RIOX2: variants seen among roughly 807,000 people sequenced by gnomAD.
The protein encoded by RIOX2 is ribosomal oxygenase 2.
In RIOX2, 43 loss-of-function variants were observed where a neutral mutation model predicts 51.2. The observed-to-expected ratio is 0.84, with a 90% CI of 0.66 to 1.08. The LOEUF is 1.08. RIOX2 is among the 50% of genes least tolerant of loss of function. RIOX2 has a pLI of 0.00. For synonymous variants in RIOX2, 226 were observed against 218.5 expected, an observed-to-expected ratio of 1.03 and a Z score of -0.30; for missense variants, 566 against 561.7, an observed-to-expected ratio of 1.01 and a Z score of -0.08.
At chr3:97,967,863 G>A (rs1705954076) in intron 1 of RIOX2, among the ~76,000 whole-genome samples, 2 of 152,082 alleles carry the variant, frequency 1.3e-5, no homozygotes, top group Non-Finnish European at 2.9e-5. Flanking sequence ...AAAGAAGAAC[G>A]TGTTTTTCTT....
chr3:97,960,578 G>C (rs1705640042), intron 3 of RIOX2, among the ~76,000 whole-genome samples: 1 of 152,098 alleles, frequency 6.6e-6, no homozygotes, highest in South Asian at 2.1e-4. Context: ...CTGCACAAGG[G>C]TCAAGTTTCC....
rs547143025 is a variant in RIOX2, at chr3:97,968,209, G to T, written c.-39-577C>A. Reference sequence around the variant, plus strand: ...CTGGAGCAGGCCACTGCCTTCTCCTGTCTCCACTAACCACCTGAACCTGCT... The same window carrying T: ...CTGGAGCAGGCCACTGCCTTCTCCTTTCTCCACTAACCACCTGAACCTGCT... On this transcript the variant is annotated intron_variant, in intron 1 of 9. Coordinates refer to ENST00000394198, the MANE Select transcript of RIOX2 (RefSeq NM_153182.4). Among the ~76,000 whole-genome samples the T allele has an allele frequency of 7.2e-5, 11 of 152,206 alleles. No individual in the cohort carries two copies. The South Asian group carries it at 2.3e-3, about 32-fold the overall frequency.
rs957627317 is a variant in RIOX2, at chr3:97,945,711, C to T, written c.1239+87G>A. On this transcript the variant is annotated intron_variant, in intron 9 of 9. Coordinates refer to ENST00000394198, the MANE Select transcript of RIOX2 (RefSeq NM_153182.4). ...AAGTCCACAGTGCAGCCATAAAAAG[C>T]ATATTACCTGTAAATCAAAAATAAT... 9 of 1,031,926 alleles carry T rather than the reference C, an allele frequency of 8.7e-6. No homozygotes were observed. The African/African-American group carries it at 1.1e-4, about 13-fold the overall frequency. 63.9% of individuals were successfully genotyped at this position (1,031,926 alleles called of 1,614,324 possible).
rs2040282022 is a variant in RIOX2 at position 97,943,560 on chromosome 3, C to T, written c.*1624G>A. 1 of 430,480 alleles carries T rather than the reference C, an allele frequency of 2.3e-6. No homozygotes were observed. Among genetic ancestry groups the T allele is most frequent in the Admixed American group, 4.7e-5 (1 of 21,260 alleles). 26.7% of individuals were successfully genotyped at this position (430,480 alleles called of 1,614,324 possible). ...ATCTTGGAAAGGTTCTATTCCTGATCTCCAGCTGTGGTGAGCAAGTTTCCT... is the reference window on the plus strand; with the variant it reads ...ATCTTGGAAAGGTTCTATTCCTGATTTCCAGCTGTGGTGAGCAAGTTTCCT... On this transcript the variant is annotated 3_prime_UTR_variant, in exon 10 of 10. Transcript: ENST00000394198.
At chr3:97,970,852 T>A (rs1329326942) in intron 1 of RIOX2, among the ~76,000 whole-genome samples, 1 of 152,194 alleles carries the variant, frequency 6.6e-6, no homozygotes, top group African/African-American at 2.4e-5. Context: ...TCACTATATT[T>A]TAAAGGTACC....
chr3:97,947,607 T>C (rs1335494581), intron 7 of RIOX2, among the ~76,000 whole-genome samples, 158 bp from the exon 8 acceptor site: 2 of 152,214 alleles, frequency 1.3e-5, no homozygotes, highest in Non-Finnish European at 2.9e-5. Context: ...TACCCCAACA[T>C]TGTACTGATA....
At chr3:97,953,894 G>A (rs2107155437) in intron 5 of RIOX2, 1 of 154,000 alleles carries the variant, frequency 6.5e-6, no homozygotes, top group Admixed American at 6.4e-5. Flanking sequence ...AACCCTCAAA[G>A]AGACCAAGAG....
intron 3 of RIOX2, among the ~76,000 whole-genome samples, 168 bp from the exon 4 acceptor site, chr3:97,959,347 C>T (rs1275335125): frequency 5.6e-5 from 7 of 125,770 alleles, no homozygotes; most frequent in African/African-American, 2.1e-4. Flanking sequence ...TATAGACAGT[C>T]TCATTCTCCT....
rs557212994 is a variant in RIOX2 at position 97,948,751 on chromosome 3, A to G, written c.1060+1093T>C. Reference sequence around the variant, plus strand: ...TGAACCCTCTCCAAAATCACCTAACATACACCTGAGTCCTATAAGTCTTTT... The same window carrying G: ...TGAACCCTCTCCAAAATCACCTAACGTACACCTGAGTCCTATAAGTCTTTT... On this transcript the variant is annotated intron_variant, in intron 7 of 9. Coordinates refer to ENST00000394198, the MANE Select transcript of RIOX2 (RefSeq NM_153182.4). Among the ~76,000 whole-genome samples the G allele has an allele frequency of 2.6e-5, 4 of 152,180 alleles. No homozygotes were observed. The South Asian group carries it at 6.2e-4, about 24-fold the overall frequency.
chr3:97,958,934 A>T, intron 4 of RIOX2, 117 bp downstream of exon 4: 2 of 1,168,104 alleles, frequency 1.7e-6, no homozygotes, highest in Admixed American at 2.7e-5. Context: ...AAACCCAGGG[A>T]TATATTCCCA....
At chr3:97,954,207 G>A (rs1705369825) in intron 5 of RIOX2, 185 bp downstream of exon 5, 2 of 560,204 alleles carry the variant, frequency 3.6e-6, no homozygotes, top group East Asian at 3.0e-5. Flanking sequence ...GTCCCCAGAA[G>A]CAAGTCCAGA....
chr3:97,966,884 T>G (rs1705909408), intron 2 of RIOX2, among the ~76,000 whole-genome samples: 2 of 152,270 alleles, frequency 1.3e-5, no homozygotes, highest in African/African-American at 4.8e-5. Context: ...GTAGTGCCAC[T>G]TTAACAACTT....
intron 5 of RIOX2, 126 bp from the exon 6 acceptor site, chr3:97,951,014 T>G: frequency 1.5e-6 from 1 of 661,554 alleles, no homozygotes; most frequent in South Asian, 1.8e-5. Flanking sequence ...GTCCAGGCAT[T>G]TTGAGTTCCA....
chr3:97,951,668 G>C (rs998922576), intron 5 of RIOX2, among the ~76,000 whole-genome samples: 6 of 152,130 alleles, frequency 3.9e-5, no homozygotes, highest in African/African-American at 1.2e-4. Flanking sequence ...CCGGCTAGTA[G>C]AAAATGGAAA....
In RIOX2 at chr3:97,967,245, C is replaced by T. The variant is rs1192411586; in HGVS notation, c.349G>A (p.Gly117Ser). The T allele has an allele frequency of 2.5e-6, 4 of 1,614,164 alleles. No homozygotes were observed. The highest frequency in any genetic ancestry group is 3.4e-6 in the Non-Finnish European group (4 of 1,180,032). Residue 117 changes from glycine to serine, a missense_variant, in exon 2 of 10, where the codon GGC (glycine) becomes AGC (serine). Coordinates refer to ENST00000394198, the MANE Select transcript of RIOX2 (RefSeq NM_153182.4). ...CTCAGCTGAAGAAAGTGTGCTTTGC[C>T]ATCTTTATTTAAAACCTTCTTCTTC... is the stretch of plus-strand genomic sequence containing the variant. ...NGKKKVLNKD[G>S]KAHFLQLRKD... is the part of the protein sequence containing the mutation.
chr3:97,960,487 CTA>C (rs1287139103), intron 3 of RIOX2, among the ~76,000 whole-genome samples: 4 of 152,252 alleles, frequency 2.6e-5, no homozygotes, highest in Non-Finnish European at 5.9e-5. Flanking sequence ...TGGAAGGCTA[CTA>C]GTAGTTAAGT....
chr3:97,956,653 G>A (rs189459413), intron 4 of RIOX2, among the ~76,000 whole-genome samples: 4 of 152,024 alleles, frequency 2.6e-5, no homozygotes, highest in Non-Finnish European at 4.4e-5. Context: ...GAGCCACCAC[G>A]CCCAGCTAAT....
At chr3:97,958,923 G>C (rs2107171273) in intron 4 of RIOX2, 128 bp downstream of exon 4, 2 of 1,072,576 alleles carry the variant, frequency 1.9e-6, no homozygotes, top group East Asian at 5.5e-5. Flanking sequence ...ACCCTGCCCT[G>C]AAACCCAGGG....
chr3:97,952,266 A>G lies in RIOX2; in HGVS notation c.786-1378T>C, dbSNP rs568425376. 2.3e-6 allele frequency: 3 copies of G among 1,284,270 alleles called. No individual in the cohort carries two copies. The African/African-American group carries it at 4.6e-5, about 19-fold the overall frequency. 79.6% of individuals were successfully genotyped at this position (1,284,270 alleles called of 1,614,324 possible). ...GCTCCAGCATCACTGTCCAAGACACAGGTCAAAATCCAGCCTGGACACATT... is the reference window on the plus strand; with the variant it reads ...GCTCCAGCATCACTGTCCAAGACACGGGTCAAAATCCAGCCTGGACACATT... On this transcript the variant is annotated intron_variant, in intron 5 of 9. Coordinates refer to ENST00000394198, the MANE Select transcript of RIOX2 (RefSeq NM_153182.4).
Sources: gnomAD v4.1 joint callset for allele counts (sites outside exome capture counted in the v4.1 genomes callset) on GRCh38, gnomAD v4.1.1 for gene constraint, MANE v1.5 for transcripts, NCBI Gene and HGNC (gene_info 2026-07-23, HGNC 2026-07-21) for gene names.